IPP: variants seen among roughly 807,000 people sequenced by gnomAD.
IPP encodes the protein actin-binding protein IPP.
Under a neutral mutation model 64.1 loss-of-function variants are expected in IPP, and 41 were observed. The ratio of observed to expected loss-of-function variants is 0.64; its 90% CI spans 0.50 to 0.83. The LOEUF (loss-of-function observed/expected upper bound fraction) is 0.83. Among genes scored for constraint, IPP ranks in the 40% least tolerant of loss-of-function variants. The probability of loss-of-function intolerance (pLI) is 0.00; values close to 1 mark genes in which losing one functional copy is unlikely to be tolerated. For missense variants in IPP, 649 were observed against 703.0 expected (o/e 0.92, Z 0.87); for synonymous variants, 214 against 235.2 (o/e 0.91, Z 0.83).
chr1:45,718,601 A>C (rs1645691172), intron 6 of IPP, among the ~76,000 whole-genome samples: 1 of 152,030 alleles, frequency 6.6e-6, no homozygotes, highest in East Asian at 1.9e-4. Flanking sequence ...ACCCCCACCT[A>C]CACCTTCCCC....
intron 1 of IPP, among the ~76,000 whole-genome samples, chr1:45,749,653 T>TGGGACTACAGGCGCCCGCCACCACGC (rs1646192523): frequency 6.6e-6 from 1 of 151,478 alleles, no homozygotes; most frequent in East Asian, 1.9e-4. Context: ...CCCGAGCAGC[T>TGGGACTACAGGCGCCCGCCACCACGC]GGGACTACAG....
intron 2 of IPP, among the ~76,000 whole-genome samples, chr1:45,743,120 T>C (rs565088722): frequency 6.6e-6 from 1 of 151,750 alleles, no homozygotes; most frequent in East Asian, 2.0e-4. Flanking sequence ...GTATTTTCAG[T>C]AGGGACGAGG....
In IPP at chr1:45,717,024, T is replaced by G; in HGVS notation, c.1187-7A>C. 1.2e-6 allele frequency: 2 copies of G among 1,609,300 alleles called. No homozygotes were observed. Among genetic ancestry groups the G allele is most frequent in the Non-Finnish European group, 1.7e-6 (2 of 1,178,672 alleles). ...TCAGCTCCAACCCATCCACCTGTAATGAAATAGAAAAATGTTTGTTTCCGG... is the reference window on the plus strand; with the variant it reads ...TCAGCTCCAACCCATCCACCTGTAAGGAAATAGAAAAATGTTTGTTTCCGG... On this transcript the variant is annotated splice_region_variant and splice_polypyrimidine_tract_variant and intron_variant, in intron 6 of 8. Coordinates refer to ENST00000396478, the MANE Select transcript of IPP (RefSeq NM_005897.3).
At chr1:45,728,539 G>T (rs1006883050) in intron 4 of IPP, among the ~76,000 whole-genome samples, 5 of 151,524 alleles carry the variant, frequency 3.3e-5, no homozygotes, top group African/African-American at 1.2e-4. Context: ...CTGTTGCCCA[G>T]GCTGGAGTGC....
chr1:45,728,967 A>AAT (rs143919407), intron 4 of IPP, among the ~76,000 whole-genome samples: 39,939 of 147,234 alleles, frequency 0.27, 5,455 homozygotes, highest in East Asian at 0.36. Flanking sequence ...CTCTACTTAA[A>AAT]ATATATATAT....
intron 5 of IPP, among the ~76,000 whole-genome samples, chr1:45,719,988 T>C (rs28635845): frequency 0.53 from 80,629 of 151,916 alleles, 21,501 homozygotes; most frequent in Middle Eastern, 0.6. Flanking sequence ...TCCCAAAGTG[T>C]TGGGATTACA....
At chr1:45,748,880 G>A (rs1187682301) in intron 1 of IPP, among the ~76,000 whole-genome samples, 1 of 151,112 alleles carries the variant, frequency 6.6e-6, no homozygotes, top group African/African-American at 2.4e-5. Flanking sequence ...GCTGAGGCAG[G>A]AGAATCGCTT....
At chr1:45,709,156 G>A (rs1444456359) in intron 8 of IPP, among the ~76,000 whole-genome samples, 1 of 150,656 alleles carries the variant, frequency 6.6e-6, no homozygotes, top group Admixed American at 6.6e-5. Flanking sequence ...CTCTTTGGCT[G>A]GGTGCGGTGG....
intron 5 of IPP, among the ~76,000 whole-genome samples, chr1:45,725,121 T>G (rs1348120821): frequency 1.7e-5 from 1 of 57,416 alleles, no homozygotes; most frequent in Admixed American, 2.4e-4. Flanking sequence ...GGAGGGGGGG[T>G]CAGCCCCCCG....
At chr1:45,725,461 A>G (rs1440277755) in intron 5 of IPP, among the ~76,000 whole-genome samples, 1 of 127,078 alleles carries the variant, frequency 7.9e-6, no homozygotes, top group South Asian at 2.6e-4. Flanking sequence ...TCCGGGAGGG[A>G]GGTGGGGGTG....
chr1:45,729,905 ACAATAC>A, intron 3 of IPP, 136 bp from the exon 4 acceptor site: 1 of 589,412 alleles, frequency 1.7e-6, no homozygotes. Context: ...TTTGTTTCCT[ACAATAC>A]CAAATATTGG....
At chr1:45,724,719 G>GT (rs1326106842) in intron 5 of IPP, among the ~76,000 whole-genome samples, 2 of 151,316 alleles carry the variant, frequency 1.3e-5, no homozygotes, top group Admixed American at 1.3e-4. Flanking sequence ...CCCCGTCTGA[G>GT]AAGTGAGGAA....
At chr1:45,735,035 C>T (rs1342060872) in intron 3 of IPP, among the ~76,000 whole-genome samples, 1 of 152,020 alleles carries the variant, frequency 6.6e-6, no homozygotes, top group African/African-American at 2.4e-5. Context: ...CTGCCTTGGC[C>T]TCCCAAAGTG....
intron 8 of IPP, among the ~76,000 whole-genome samples, chr1:45,711,211 G>A (rs1170842937): frequency 1.3e-5 from 2 of 150,764 alleles, no homozygotes; most frequent in Admixed American, 6.6e-5. Context: ...GCATGGTGGC[G>A]GGTGCTTGTA....
chr1:45,739,806 A>C (rs2148580342), intron 3 of IPP, among the ~76,000 whole-genome samples: 1 of 150,918 alleles, frequency 6.6e-6, no homozygotes, highest in East Asian at 1.9e-4. Flanking sequence ...TTAATTTTTC[A>C]GAGTAGCAAG....
At chr1:45,702,333 A>G (rs1361005034) in intron 8 of IPP, among the ~76,000 whole-genome samples, 1 of 152,214 alleles carries the variant, frequency 6.6e-6, no homozygotes, top group Non-Finnish European at 1.5e-5. Flanking sequence ...CTCTGTAAGA[A>G]CACTAACAAG....
chr1:45,720,221 A>G (rs750229507), intron 5 of IPP, among the ~76,000 whole-genome samples: 3 of 152,148 alleles, frequency 2.0e-5, no homozygotes, highest in Non-Finnish European at 4.4e-5. Flanking sequence ...GACTATAAGC[A>G]TGTGCCACCA....
intron 2 of IPP, 50 bp from the exon 3 acceptor site, chr1:45,741,382 G>T: frequency 1.6e-6 from 2 of 1,244,138 alleles, no homozygotes; most frequent in South Asian, 1.4e-5. Context: ...ACAAACATTG[G>T]CTTACCATAT....
At chr1:45,701,317 C>T (rs192721750) in intron 8 of IPP, among the ~76,000 whole-genome samples, 17 of 151,232 alleles carry the variant, frequency 1.1e-4, no homozygotes, top group South Asian at 2.1e-4. Flanking sequence ...GACGGAGTCT[C>T]GCTCTTGTTG....
Sources: gnomAD v4.1 joint callset for allele counts (sites outside exome capture counted in the v4.1 genomes callset) on GRCh38, gnomAD v4.1.1 for gene constraint, MANE v1.5 for transcripts, NCBI Gene and HGNC (gene_info 2026-07-23, HGNC 2026-07-21) for gene names.